The following ROR2 variants were observed in gnomAD, a reference collection of about 807,000 sequenced individuals.
ROR2 encodes tyrosine-protein kinase transmembrane receptor ROR2.
ROR2 carries 33 observed loss-of-function variants against 74.9 expected under a neutral mutation model. The observed-to-expected ratio is 0.44, with a 90% CI of 0.33 to 0.59. The LOEUF (loss-of-function observed/expected upper bound fraction) is 0.59, where lower values mean the gene tolerates loss of function less well. Ranked by LOEUF, ROR2 falls within the 20% of genes least tolerant of loss-of-function variation. The pLI, the probability that ROR2 is intolerant of heterozygous loss-of-function variation, is 0.02. For missense variants in ROR2, 1,216 were observed against 1,313.8 expected (o/e 0.93, Z 1.15); for synonymous variants, 586 against 558.7 (o/e 1.05, Z -0.69).
intron 1 of ROR2, among the ~76,000 whole-genome samples, chr9:91,785,290 C>T (rs931709059): frequency 3.3e-5 from 5 of 152,226 alleles, no homozygotes; most frequent in African/African-American, 4.8e-5. Context: ...TCACCCCTCA[C>T]GTTGTTTCAG....
intron 1 of ROR2, chr9:91,948,481 G>T: frequency 1.3e-6 from 1 of 745,392 alleles, no homozygotes; most frequent in Non-Finnish European, 1.6e-6. Context: ...ATGCTTTAAT[G>T]CACAGTGAGA....
chr9:91,910,915 C>G (rs756165526), intron 1 of ROR2, among the ~76,000 whole-genome samples: 14 of 152,238 alleles, frequency 9.2e-5, no homozygotes, highest in Non-Finnish European at 1.9e-4. Context: ...CTGCCCTCCT[C>G]AGCCTCCCAA....
At chr9:91,743,787 A>G (rs1237698049) in intron 4 of ROR2, among the ~76,000 whole-genome samples, 1 of 152,218 alleles carries the variant, frequency 6.6e-6, no homozygotes, top group Non-Finnish European at 1.5e-5. Context: ...TGCACTCTAT[A>G]TTTGAAAATG....
chr9:91,926,700 G>C (rs533077616), intron 1 of ROR2, among the ~76,000 whole-genome samples: 1 of 151,634 alleles, frequency 6.6e-6, no homozygotes, highest in South Asian at 2.1e-4. Flanking sequence ...ACGTCCGGGT[G>C]AACCCTGATG....
At chr9:91,875,511 GCTTT>G (rs1195317274) in intron 1 of ROR2, among the ~76,000 whole-genome samples, 3 of 152,192 alleles carry the variant, frequency 2.0e-5, no homozygotes, top group East Asian at 1.9e-4. Flanking sequence ...GATTGACCAT[GCTTT>G]CTTTATTTTC....
chr9:91,896,590 A>G (rs1263478528), intron 1 of ROR2, among the ~76,000 whole-genome samples: 4 of 152,190 alleles, frequency 2.6e-5, no homozygotes, highest in African/African-American at 7.2e-5. Flanking sequence ...TCTGGTTCCC[A>G]TTAGAGAAAT....
intron 1 of ROR2, among the ~76,000 whole-genome samples, chr9:91,805,312 T>C (rs548912971): frequency 5.0e-4 from 76 of 152,322 alleles, no homozygotes; most frequent in Non-Finnish European, 5.9e-4. Flanking sequence ...TGAGAGACCA[T>C]CATCCAGCAT....
chr9:91,751,958 T>C (rs1247258080), intron 4 of ROR2, among the ~76,000 whole-genome samples: 1 of 152,180 alleles, frequency 6.6e-6, no homozygotes, highest in Admixed American at 6.5e-5. Flanking sequence ...AGAGGAAACT[T>C]TACAGCTTTA....
chr9:91,791,968 G>A (rs942995654), intron 1 of ROR2, among the ~76,000 whole-genome samples: 1 of 152,046 alleles, frequency 6.6e-6, no homozygotes, highest in South Asian at 2.1e-4. Flanking sequence ...ACAAATATAC[G>A]AAAACTAAAC....
chr9:91,862,786 A>C (rs1390792067), intron 1 of ROR2, among the ~76,000 whole-genome samples: 1 of 152,254 alleles, frequency 6.6e-6, no homozygotes, highest in Non-Finnish European at 1.5e-5. Context: ...CAGCATCCAG[A>C]ACTGTGAGAA....
intron 1 of ROR2, among the ~76,000 whole-genome samples, chr9:91,928,388 T>C (rs1831464770): frequency 6.6e-6 from 1 of 152,180 alleles, no homozygotes; most frequent in Non-Finnish European, 1.5e-5. Flanking sequence ...ACAAAATCTT[T>C]CCATGTAAAA....
chr9:91,885,313 G>A (rs1049426781), intron 1 of ROR2, among the ~76,000 whole-genome samples: 1 of 152,162 alleles, frequency 6.6e-6, no homozygotes, highest in Non-Finnish European at 1.5e-5. Context: ...TTGGGGGTTG[G>A]GGGGCGGTAG....
intron 1 of ROR2, among the ~76,000 whole-genome samples, chr9:91,933,461 G>A (rs559890128): frequency 6.6e-6 from 1 of 152,256 alleles, no homozygotes; most frequent in Non-Finnish European, 1.5e-5. Context: ...ATCCACAGGA[G>A]ACCAGGGAAA....
chr9:91,743,903 G>A (rs1296391872), intron 4 of ROR2, among the ~76,000 whole-genome samples: 1 of 152,186 alleles, frequency 6.6e-6, no homozygotes, highest in Non-Finnish European at 1.5e-5. Context: ...AAAAATATGT[G>A]AAAACAAATG....
chr9:91,891,727 TC>T (rs1830425041), intron 1 of ROR2, among the ~76,000 whole-genome samples: 1 of 152,082 alleles, frequency 6.6e-6, no homozygotes, highest in Non-Finnish European at 1.5e-5. Flanking sequence ...CTGCCCACAT[TC>T]CCGGCCCTGG....
At chr9:91,820,590 C>T (rs778381389) in intron 1 of ROR2, among the ~76,000 whole-genome samples, 1 of 152,146 alleles carries the variant, frequency 6.6e-6, no homozygotes, top group African/African-American at 2.4e-5. Context: ...TCCACACCCA[C>T]GTGCGCAATG....
intron 6 of ROR2, among the ~76,000 whole-genome samples, chr9:91,731,712 C>G (rs551967333): frequency 1.3e-5 from 2 of 152,258 alleles, no homozygotes; most frequent in South Asian, 4.2e-4. Context: ...GTCAGGAGTT[C>G]AAGACCAGCC....
At chr9:91,850,533 G>C (rs1347516836) in intron 1 of ROR2, among the ~76,000 whole-genome samples, 1 of 152,178 alleles carries the variant, frequency 6.6e-6, no homozygotes, top group Non-Finnish European at 1.5e-5. Context: ...TCTGAAGATG[G>C]ACAAGGGGCC....
intron 1 of ROR2, among the ~76,000 whole-genome samples, chr9:91,899,910 G>A (rs1205299721): frequency 2.0e-5 from 3 of 152,102 alleles, no homozygotes; most frequent in African/African-American, 7.2e-5. Context: ...CAACACATCT[G>A]CACACTCGAA....
Sources: allele counts gnomAD v4.1 joint callset (sites outside exome capture counted in the v4.1 genomes callset), GRCh38; gene constraint gnomAD v4.1.1; transcripts MANE v1.5; gene names NCBI Gene and HGNC (gene_info 2026-07-23, HGNC 2026-07-21).